Variants in USH2A observed in about 807,000 individuals in gnomAD.
USH2A encodes Usher syndrome 2A (autosomal recessive, mild).
A neutral mutation model predicts 538.9 loss-of-function variants in USH2A; 443 were observed. The ratio of observed to expected loss-of-function variants is 0.82; its 90% CI spans 0.76 to 0.89. The LOEUF (loss-of-function observed/expected upper bound fraction) is 0.89. USH2A is among the 40% of genes least tolerant of loss of function. The probability of loss-of-function intolerance (pLI) is 0.00; values close to 1 mark genes in which losing one functional copy is unlikely to be tolerated. For missense variants in USH2A, 6,633 were observed against 6,324.8 expected (o/e 1.05, Z -1.65); for synonymous variants, 2,413 against 2,273.5 (o/e 1.06, Z -1.75).
intron 38 of USH2A, among the ~76,000 whole-genome samples, chr1:215,907,372 G>C (rs1665666274): frequency 6.6e-6 from 1 of 151,960 alleles, no homozygotes; most frequent in Non-Finnish European, 1.5e-5. Flanking sequence ...TTAAGCATTT[G>C]CCTTCCTTTC....
At chr1:216,014,119 C>T (rs1299406898) in intron 32 of USH2A, among the ~76,000 whole-genome samples, 2 of 151,558 alleles carry the variant, frequency 1.3e-5, no homozygotes, top group Non-Finnish European at 2.9e-5. Context: ...CCTAATTTGA[C>T]ATGTGGCAGA....
chr1:216,212,789 ACCCT>A (rs2035269524), intron 15 of USH2A, among the ~76,000 whole-genome samples: 1 of 151,116 alleles, frequency 6.6e-6, no homozygotes, highest in East Asian at 1.9e-4. Flanking sequence ...TATTTCCTCT[ACCCT>A]CCAGTGTGCT....
At chr1:215,889,680 AGGT>A (rs1300033248) in intron 40 of USH2A, among the ~76,000 whole-genome samples, 1 of 152,152 alleles carries the variant, frequency 6.6e-6, no homozygotes, top group Non-Finnish European at 1.5e-5. Flanking sequence ...TCTGACCTTT[AGGT>A]TAACAGGTTT....
At chr1:215,773,053 T>C (rs1424160748) in intron 55 of USH2A, among the ~76,000 whole-genome samples, 38 of 152,150 alleles carry the variant, frequency 2.5e-4, no homozygotes, top group Admixed American at 2.5e-3. Flanking sequence ...AGAAATCACT[T>C]AGGCAGATAG....
intron 21 of USH2A, among the ~76,000 whole-genome samples, chr1:216,127,019 C>T (rs956938788): frequency 6.6e-6 from 1 of 152,258 alleles, no homozygotes; most frequent in Middle Eastern, 3.4e-3. Flanking sequence ...GAAGTAAGCG[C>T]AAAGCTTTCG....
rs111033419 is a variant in USH2A, at chr1:215,628,837, T to C, written c.15496A>G (p.Ile5166Val). Residue 5166 changes from isoleucine to valine, a missense_variant, in exon 71 of 72, where the codon ATC becomes GTC. Coordinates refer to ENST00000307340, the MANE Select transcript of USH2A (RefSeq NM_206933.4). ...ACCAGTCCACTGTTGTGGCCCATGA[T>C]GGCTTCCCACAGTGAGTTGTCCATC... is the stretch of plus-strand genomic sequence containing the variant. ...VLMDNSLWEA[I>V]MGHNSGLYVD... 2.8e-5 allele frequency: 46 copies of C among 1,614,070 alleles called. No individual in the cohort carries two copies. Among genetic ancestry groups the C allele is most frequent in the Admixed American group, 6.7e-5 (4 of 60,004 alleles).
chr1:216,358,850 G>A (rs2038438060), intron 4 of USH2A, among the ~76,000 whole-genome samples: 1 of 152,090 alleles, frequency 6.6e-6, no homozygotes, highest in African/African-American at 2.4e-5. Flanking sequence ...ATCATCTTCA[G>A]TTCACACTGT....
At chr1:215,704,397 G>A (rs1450887917) in intron 61 of USH2A, among the ~76,000 whole-genome samples, 1 of 152,204 alleles carries the variant, frequency 6.6e-6, no homozygotes, top group African/African-American at 2.4e-5. Flanking sequence ...ATAGCTAACT[G>A]CTTATGAACT....
chr1:215,747,192 A>G (rs964201701), intron 58 of USH2A, among the ~76,000 whole-genome samples: 5 of 152,168 alleles, frequency 3.3e-5, no homozygotes, highest in Admixed American at 2.6e-4. Flanking sequence ...AGTGAACTCA[A>G]TGTGGATTTT....
At chr1:215,794,510 T>C (rs1173067095) in intron 50 of USH2A, among the ~76,000 whole-genome samples, 1 of 152,038 alleles carries the variant, frequency 6.6e-6, no homozygotes, top group Non-Finnish European at 1.5e-5. Context: ...GGAAGGTCAT[T>C]AAGGTCACAG....
intron 46 of USH2A, among the ~76,000 whole-genome samples, chr1:215,838,664 C>T (rs1054900528): frequency 6.6e-6 from 1 of 152,084 alleles, no homozygotes; most frequent in Non-Finnish European, 1.5e-5. Flanking sequence ...ATCATTCATC[C>T]CTTTAATTCT....
intron 21 of USH2A, among the ~76,000 whole-genome samples, chr1:216,132,656 C>T (rs542691692): frequency 6.6e-6 from 1 of 152,190 alleles, no homozygotes; most frequent in African/African-American, 2.4e-5. Flanking sequence ...TCTGTTTTGG[C>T]TGAAGAAACT....
chr1:216,031,965 G>T (rs1228420084), intron 32 of USH2A, among the ~76,000 whole-genome samples: 1 of 152,098 alleles, frequency 6.6e-6, no homozygotes, highest in African/African-American at 2.4e-5. Context: ...CTTCCACACT[G>T]GGTTGAACCC....
intron 65 of USH2A, 87 bp from the exon 66 acceptor site, chr1:215,648,853 A>C: frequency 1.6e-6 from 2 of 1,261,764 alleles, no homozygotes; most frequent in Admixed American, 1.7e-5. Context: ...CCTCCTACAA[A>C]TGGAGTACCA....
intron 37 of USH2A, among the ~76,000 whole-genome samples, chr1:215,951,582 G>C (rs1020302648): frequency 3.9e-5 from 6 of 152,132 alleles, no homozygotes; most frequent in African/African-American, 1.4e-4. Flanking sequence ...GCTTGGTGCA[G>C]AGCTGAGTTC....
At chr1:216,060,945 C>T (rs2031158038) in intron 30 of USH2A, among the ~76,000 whole-genome samples, 1 of 152,106 alleles carries the variant, frequency 6.6e-6, no homozygotes, top group African/African-American at 2.4e-5. Flanking sequence ...CAAAAGCTAC[C>T]CAGAGTTAAT....
intron 52 of USH2A, among the ~76,000 whole-genome samples, chr1:215,783,563 T>G (rs137912330): frequency 1.3e-5 from 2 of 152,310 alleles, no homozygotes; most frequent in African/African-American, 4.8e-5. Context: ...TGCTGAGCTT[T>G]CCAAACTGGC....
At chr1:215,793,929 A>T (rs1662049807) in intron 50 of USH2A, among the ~76,000 whole-genome samples, 1 of 152,220 alleles carries the variant, frequency 6.6e-6, no homozygotes, top group South Asian at 2.1e-4. Flanking sequence ...ACCTTTTCAT[A>T]CTAAGGGATA....
At chr1:216,229,508 T>C (rs1287520405) in intron 14 of USH2A, among the ~76,000 whole-genome samples, 2 of 151,858 alleles carry the variant, frequency 1.3e-5, no homozygotes, top group Non-Finnish European at 2.9e-5. Flanking sequence ...AGAGATGGGG[T>C]TTTGCCATGT....
Sources: gnomAD v4.1 joint callset for allele counts (sites outside exome capture counted in the v4.1 genomes callset) on GRCh38, gnomAD v4.1.1 for gene constraint, MANE v1.5 for transcripts, NCBI Gene and HGNC (gene_info 2026-07-23, HGNC 2026-07-21) for gene names.